Variants in LRRC1 observed in about 807,000 individuals in gnomAD.
The protein encoded by LRRC1 is leucine rich repeat containing 1, also known as leucine-rich repeat-containing protein 1.
LRRC1 carries 28 observed loss-of-function variants against 69.9 expected under a neutral mutation model. The observed-to-expected ratio is 0.40, with a 90% confidence interval of 0.30 to 0.55. The LOEUF is 0.55. Among genes scored for constraint, LRRC1 ranks in the 20% least tolerant of loss-of-function variants. The probability of loss-of-function intolerance (pLI) is 0.47; values close to 1 mark genes in which losing one functional copy is unlikely to be tolerated. For missense variants in LRRC1, 498 were observed against 609.0 expected (o/e 0.82, Z 1.92); for synonymous variants, 236 against 240.2 (o/e 0.98, Z 0.16).
chr6:53,913,157 G>A (rs1217081954), intron 10 of LRRC1, among the ~76,000 whole-genome samples: 1 of 145,346 alleles, frequency 6.9e-6, no homozygotes, highest in African/African-American at 2.5e-5. Context: ...GTGTTGATTT[G>A]TGTGCTTTTA....
chr6:53,904,393 C>A lies in LRRC1; in HGVS notation c.921C>A (p.Ser307Arg). The A allele has an allele frequency of 6.2e-7, 1 of 1,608,972 alleles. No individual in the cohort carries two copies. The highest frequency in any genetic ancestry group is 8.5e-7 in the Non-Finnish European group (1 of 1,177,108). ...TENQLLTLPK[S>R]IGKLKKLSNL... is the part of the protein sequence containing the mutation. ...TATTTTAACAGACCCTGCCTAAAAG[C>A]ATTGGAAAACTAAAGAAGTTGAGCA... is the stretch of plus-strand genomic sequence containing the variant. Residue 307 changes from serine (S) to arginine (R), a missense_variant, in exon 10 of 14, where the codon AGC becomes AGA. By Grantham distance (110) the Ser-to-Arg change is moderately radical. Transcript: ENST00000370888.
At chr6:53,860,584 AT>A (rs1002461902) in intron 2 of LRRC1, among the ~76,000 whole-genome samples, 14 of 152,118 alleles carry the variant, frequency 9.2e-5, no homozygotes, top group South Asian at 2.1e-4. Context: ...TAGTAGAAGG[AT>A]TTTTTTTAAG....
chr6:53,851,333 A>C (rs907277735), intron 2 of LRRC1, among the ~76,000 whole-genome samples: 2 of 152,168 alleles, frequency 1.3e-5, no homozygotes, highest in Non-Finnish European at 2.9e-5. Context: ...TGCCCTCTGC[A>C]GGAAAGCCAG....
chr6:53,812,506 C>T (rs3003497), intron 1 of LRRC1, among the ~76,000 whole-genome samples: 4 of 145,368 alleles, frequency 2.8e-5, no homozygotes, highest in African/African-American at 5.0e-5. Context: ...CTGGCTAACA[C>T]GGTGAAACCC....
intron 1 of LRRC1, among the ~76,000 whole-genome samples, chr6:53,820,984 A>G (rs1765099321): frequency 6.6e-6 from 1 of 152,154 alleles, no homozygotes; most frequent in Non-Finnish European, 1.5e-5. Context: ...TTGTTGACTT[A>G]TTTCTTCTTT....
At chr6:53,830,240 G>C (rs1243660630) in intron 1 of LRRC1, among the ~76,000 whole-genome samples, 1 of 152,200 alleles carries the variant, frequency 6.6e-6, no homozygotes, top group African/African-American at 2.4e-5. Context: ...AAGACTGTCT[G>C]TCAAAAGGAG....
chr6:53,879,328 G>A (rs1767184576), intron 3 of LRRC1, among the ~76,000 whole-genome samples: 3 of 152,196 alleles, frequency 2.0e-5, no homozygotes, highest in South Asian at 4.1e-4. Context: ...ACAGGATGAG[G>A]AGTGCATTTC....
chr6:53,825,618 AGAGTCACCCG>A (rs2127410445), intron 1 of LRRC1, among the ~76,000 whole-genome samples: 1 of 152,272 alleles, frequency 6.6e-6, no homozygotes, highest in Non-Finnish European at 1.5e-5. Context: ...GCTGTTCATG[AGAGTCACCCG>A]GAGAACTTTG....
chr6:53,860,394 A>T, intron 2 of LRRC1, among the ~76,000 whole-genome samples: 1 of 152,218 alleles, frequency 6.6e-6, no homozygotes, highest in South Asian at 2.1e-4. Flanking sequence ...TGTATTAGAA[A>T]TATTTTACCT....
At chr6:53,860,021 C>T (rs905898200) in intron 2 of LRRC1, among the ~76,000 whole-genome samples, 1 of 152,188 alleles carries the variant, frequency 6.6e-6, no homozygotes, top group Admixed American at 6.5e-5. Context: ...CCTTCTCTCT[C>T]CCTTTCACCC....
intron 1 of LRRC1, among the ~76,000 whole-genome samples, chr6:53,796,699 T>C (rs1192588917): frequency 2.0e-5 from 3 of 152,240 alleles, no homozygotes; most frequent in South Asian, 4.1e-4. Context: ...ATGTTTGCTC[T>C]GTGTAATCAT....
chr6:53,850,610 A>G (rs1012964591), intron 2 of LRRC1, among the ~76,000 whole-genome samples: 1 of 152,248 alleles, frequency 6.6e-6, no homozygotes, highest in Non-Finnish European at 1.5e-5. Context: ...TTTTTATTAT[A>G]TAGCTGATAC....
intron 2 of LRRC1, among the ~76,000 whole-genome samples, chr6:53,846,308 C>T (rs964956186): frequency 9.9e-5 from 15 of 152,168 alleles, no homozygotes; most frequent in African/African-American, 1.9e-4. Flanking sequence ...ATTATCTAAG[C>T]TGCAAGGATT....
chr6:53,804,613 G>A (rs1434930928), intron 1 of LRRC1, among the ~76,000 whole-genome samples: 2 of 152,070 alleles, frequency 1.3e-5, no homozygotes, highest in Non-Finnish European at 2.9e-5. Flanking sequence ...CCATTGTATT[G>A]GATATAGCAC....
intron 8 of LRRC1, 76 bp downstream of exon 8, chr6:53,899,967 T>G: frequency 7.2e-7 from 1 of 1,394,740 alleles, no homozygotes; most frequent in South Asian, 1.4e-5. Flanking sequence ...ACTTTGATCC[T>G]TTGGTCACCA....
At chr6:53,914,768 C>A (rs1768515215) in intron 11 of LRRC1, among the ~76,000 whole-genome samples, 1 of 152,206 alleles carries the variant, frequency 6.6e-6, no homozygotes, top group African/African-American at 2.4e-5. Flanking sequence ...ATCACTCAAG[C>A]TTTATTTTCT....
chr6:53,907,889 C>G (rs903520411), intron 10 of LRRC1, among the ~76,000 whole-genome samples: 4 of 152,114 alleles, frequency 2.6e-5, no homozygotes, highest in Non-Finnish European at 5.9e-5. Context: ...TTTGGCAGCT[C>G]ATCTGTTTTC....
intron 9 of LRRC1, among the ~76,000 whole-genome samples, chr6:53,903,570 CCTTTTCG>C (rs1159162275): frequency 1.0e-5 from 1 of 98,248 alleles, no homozygotes; most frequent in Non-Finnish European, 2.3e-5. Flanking sequence ...TTTTCCTTTT[CCTTTTCG>C]CTTTTCCTTT....
intron 2 of LRRC1, among the ~76,000 whole-genome samples, chr6:53,871,406 T>G (rs1220012617): frequency 1.3e-5 from 2 of 152,234 alleles, no homozygotes; most frequent in Non-Finnish European, 2.9e-5. Context: ...GGCATTTTTT[T>G]CGTGTACTTG....
Sources: gnomAD v4.1 joint callset for allele counts (sites outside exome capture counted in the v4.1 genomes callset) on GRCh38, gnomAD v4.1.1 for gene constraint, MANE v1.5 for transcripts, NCBI Gene and HGNC (gene_info 2026-07-23, HGNC 2026-07-21) for gene names.